KCNIP4: variants seen among roughly 807,000 people sequenced by gnomAD.
KCNIP4 encodes the protein potassium voltage-gated channel interacting protein 4, also known as Kv channel-interacting protein 4.
In KCNIP4, 12 loss-of-function variants were observed where a neutral mutation model predicts 34.0. The ratio of observed to expected loss-of-function variants is 0.35; its 90% confidence interval spans 0.23 to 0.57. The LOEUF is 0.57. Ranked by LOEUF, KCNIP4 falls within the 20% of genes least tolerant of loss-of-function variation. KCNIP4 has a pLI of 0.83. For synonymous variants in KCNIP4, 124 were observed against 102.2 expected (o/e 1.21, Z -1.29); for missense variants, 238 against 311.7 (o/e 0.76, Z 1.78).
intron 1 of KCNIP4, among the ~76,000 whole-genome samples, chr4:21,790,613 A>G (rs1222868160): frequency 1.3e-5 from 2 of 151,924 alleles, no homozygotes; most frequent in Non-Finnish European, 2.9e-5. Flanking sequence ...AGAAAAAAAA[A>G]GAGAACTTTC....
chr4:21,293,400 C>A (rs766894171), intron 1 of KCNIP4, among the ~76,000 whole-genome samples: 30 of 152,176 alleles, frequency 2.0e-4, no homozygotes, highest in Non-Finnish European at 4.0e-4. Context: ...TGTCAATCAG[C>A]CCCTGAGACC....
At chr4:21,292,273 A>T (rs530361057) in intron 1 of KCNIP4, among the ~76,000 whole-genome samples, 1 of 152,284 alleles carries the variant, frequency 6.6e-6, no homozygotes, top group South Asian at 2.1e-4. Flanking sequence ...TCTGGAGGAC[A>T]CCATTCCCAT....
intron 1 of KCNIP4, among the ~76,000 whole-genome samples, chr4:21,676,388 C>T (rs1032102629): frequency 4.6e-5 from 7 of 152,146 alleles, no homozygotes; most frequent in African/African-American, 7.2e-5. Flanking sequence ...TGTCAAAAGA[C>T]GACTCTTCCC....
intron 1 of KCNIP4, among the ~76,000 whole-genome samples, chr4:21,811,006 C>T (rs528982569): frequency 5.3e-5 from 8 of 152,224 alleles, no homozygotes; most frequent in African/African-American, 1.9e-4. Flanking sequence ...CAACATATTC[C>T]ATTCCCACTT....
intron 1 of KCNIP4, among the ~76,000 whole-genome samples, chr4:21,480,374 C>A (rs1381178999): frequency 1.3e-5 from 2 of 152,022 alleles, no homozygotes; most frequent in East Asian, 1.9e-4. Flanking sequence ...AAACACGAAT[C>A]TTTTGTCAAT....
chr4:21,701,671 T>C (rs1438078530), intron 1 of KCNIP4, among the ~76,000 whole-genome samples: 1 of 152,138 alleles, frequency 6.6e-6, no homozygotes, highest in Non-Finnish European at 1.5e-5. Context: ...AAAATTAAGA[T>C]GGATGTTTTA....
At chr4:21,641,995 T>C (rs932930400) in intron 1 of KCNIP4, among the ~76,000 whole-genome samples, 7 of 152,202 alleles carry the variant, frequency 4.6e-5, no homozygotes, top group Admixed American at 1.3e-4. Flanking sequence ...GGTAGTGCTA[T>C]GTTCTTACTA....
chr4:21,303,399 A>G (rs1356895463), intron 1 of KCNIP4, among the ~76,000 whole-genome samples: 1 of 152,222 alleles, frequency 6.6e-6, no homozygotes, highest in African/African-American at 2.4e-5. Flanking sequence ...CATTTGATCA[A>G]TGTATTTGCA....
intron 1 of KCNIP4, among the ~76,000 whole-genome samples, chr4:21,323,643 A>G (rs1257321144): frequency 6.6e-6 from 1 of 152,020 alleles, no homozygotes; most frequent in Non-Finnish European, 1.5e-5. Flanking sequence ...AATGTACTAC[A>G]TTTCCTTTAT....
In KCNIP4 at chr4:20,850,668, C is replaced by G. The variant is rs1456364730; in HGVS notation, c.164-1G>C. ...ATCTCCAGTTCATCTTCCACGCTGT[C>G]TGTGGAGGAAAACAAGAAAGAGTCT... On this transcript the variant is annotated splice_acceptor_variant, in intron 2 of 8. Transcript: ENST00000382152. LOFTEE classifies it high-confidence loss of function. 1 of 1,611,334 alleles carries G rather than the reference C, an allele frequency of 6.2e-7. No homozygotes were observed.
chr4:21,861,642 G>C (rs1725080606), intron 1 of KCNIP4, among the ~76,000 whole-genome samples: 2 of 116,018 alleles, frequency 1.7e-5, no homozygotes, highest in Non-Finnish European at 3.4e-5. Flanking sequence ...GGGCGACAGA[G>C]TGAGACTCCG....
intron 2 of KCNIP4, among the ~76,000 whole-genome samples, chr4:20,871,620 A>G (rs1723469847): frequency 6.6e-6 from 1 of 152,100 alleles, no homozygotes; most frequent in South Asian, 2.1e-4. Context: ...TCATGGTGGT[A>G]TTCACCAACA....
rs142854712 is a variant in KCNIP4, at chr4:21,091,347, A to G, written c.62-208638T>C. Among the ~76,000 whole-genome samples the G allele has an allele frequency of 1.7e-4, 26 of 152,324 alleles. No individual in the cohort carries two copies. In the East Asian group the frequency reaches 5.0e-3, roughly 29 times the overall value. On this transcript the variant is annotated intron_variant, in intron 1 of 8. Coordinates refer to ENST00000382152, the MANE Select transcript of KCNIP4 (RefSeq NM_025221.6). ...ATGCTAATAAAAAAGCAGTAGACAT[A>G]TGTACAAATATTGAATGCCATTTTA...
At chr4:21,813,405 AT>A (rs1721781620) in intron 1 of KCNIP4, among the ~76,000 whole-genome samples, 2 of 152,328 alleles carry the variant, frequency 1.3e-5, no homozygotes, top group South Asian at 4.1e-4. Flanking sequence ...TTATTTAATA[AT>A]TTTTACAACA....
chr4:21,908,695 G>C (rs1728134028), intron 1 of KCNIP4, among the ~76,000 whole-genome samples: 2 of 152,098 alleles, frequency 1.3e-5, no homozygotes, highest in South Asian at 4.1e-4. Context: ...TTCCTTATAA[G>C]GTTTAGGAAG....
intron 1 of KCNIP4, among the ~76,000 whole-genome samples, chr4:21,836,362 T>C (rs1302177689): frequency 6.6e-6 from 1 of 152,132 alleles, no homozygotes; most frequent in African/African-American, 2.4e-5. Context: ...AGAAAGGAGA[T>C]AATTGCCTCT....
intron 1 of KCNIP4, among the ~76,000 whole-genome samples, chr4:21,633,110 C>G (rs1745877967): frequency 6.6e-6 from 1 of 152,116 alleles, no homozygotes; most frequent in African/African-American, 2.4e-5. Flanking sequence ...TTTGTACAAG[C>G]TCCCTCACAA....
chr4:21,249,056 A>C (rs1760494787), intron 1 of KCNIP4, among the ~76,000 whole-genome samples: 2 of 152,162 alleles, frequency 1.3e-5, no homozygotes, highest in South Asian at 4.1e-4. Context: ...AGTTTAAACT[A>C]GAAATTCGTA....
At chr4:21,134,163 A>T (rs1020076150) in intron 1 of KCNIP4, among the ~76,000 whole-genome samples, 2 of 152,144 alleles carry the variant, frequency 1.3e-5, no homozygotes, top group African/African-American at 2.4e-5. Context: ...AGGTCCAATT[A>T]TTTGTGGATT....
Sources: allele counts gnomAD v4.1 joint callset (sites outside exome capture counted in the v4.1 genomes callset), GRCh38; gene constraint gnomAD v4.1.1; transcripts MANE v1.5; gene names NCBI Gene and HGNC (gene_info 2026-07-23, HGNC 2026-07-21).